CIC: variants seen among roughly 807,000 people sequenced by gnomAD.
The protein encoded by CIC is protein capicua homolog.
CIC carries 18 observed loss-of-function variants against 115.7 expected under a neutral mutation model. The ratio of observed to expected loss-of-function variants is 0.16; its 90% confidence interval spans 0.11 to 0.23. CIC has a LOEUF of 0.23. Among genes scored for constraint, CIC ranks in the 10% least tolerant of loss-of-function variants. The pLI is 1.00. For missense variants in CIC, 2,000 were observed against 2,159.3 expected (o/e 0.93, Z 1.46); for synonymous variants, 1,076 against 923.0 (o/e 1.17, Z -3.01).
In CIC at chr19:42,290,727, A is replaced by T. The variant is rs369326436; in HGVS notation, c.4686A>T (p.Pro1562=). 1.5e-5 allele frequency: 24 copies of T among 1,612,452 alleles called. No individual in the cohort carries two copies. The highest frequency in any genetic ancestry group is 3.3e-5 in the Admixed American group (2 of 59,970). ...CCAGAGTGCCCTCCGCCCCCGCCCC[A>T]TCACTGGCCTATGGGGCCCCAGCAG... ...GGARVPSAPA[P]SLAYGAPAAP... The change falls in exon 11 of 21, where the codon CCA becomes CCT. Residue 1562 remains proline, a synonymous_variant. Coordinates refer to ENST00000681038, the MANE Select transcript of CIC (RefSeq NM_001386298.1).
In CIC at chr19:42,290,216, CCCTT is replaced by C. The variant is rs1225271316; in HGVS notation, c.4192-12_4192-9del. On this transcript the variant is annotated splice_polypyrimidine_tract_variant and intron_variant, in intron 10 of 20. Coordinates refer to ENST00000681038, the MANE Select transcript of CIC (RefSeq NM_001386298.1). ...CGGAGTGTCCTGACCTGGGGTGTCT[CCCTT>C]CCTTTCATGCAGGGCTTTGGTCGGA... 12 of 1,613,928 alleles carry C rather than the reference CCCTT, an allele frequency of 7.4e-6. No individual in the cohort carries two copies. Among genetic ancestry groups the C allele is most frequent in the South Asian group, 4.4e-5 (4 of 91,086 alleles).
chr19:42,292,190 G>C lies in CIC; in HGVS notation c.5718G>C (p.Leu1906=). ...CCACCTCTCAGCCTCAGAAGGTCCT[G>C]TTGCCCTCCTCCACCAGGTAATTGC... ...PGPTSQPQKV[L]LPSSTRITYV... Residue 1906 remains leucine (L), a synonymous_variant, in exon 13 of 21, where the codon CTG becomes CTC. Coordinates refer to ENST00000681038, the MANE Select transcript of CIC (RefSeq NM_001386298.1). 6.2e-7 allele frequency: 1 copy of C among 1,613,956 alleles called. No individual in the cohort carries two copies. The highest frequency in any genetic ancestry group is 8.5e-7 in the Non-Finnish European group (1 of 1,180,020).
At chr19:42,286,674 A>T (rs2037668789) in intron 2 of CIC, 97 bp from the exon 3 acceptor site, 1 of 1,496,372 alleles carries the variant, frequency 6.7e-7, no homozygotes, top group Admixed American at 1.8e-5. Context: ...GGGTAGACAA[A>T]AGGGGTGGGG....
At chr19:42,281,419 C>G (rs1018835993) in intron 2 of CIC, among the ~76,000 whole-genome samples, 1 of 152,198 alleles carries the variant, frequency 6.6e-6, no homozygotes, top group Non-Finnish European at 1.5e-5. Flanking sequence ...CGTCTGGGTT[C>G]CCTGTCCCCA....
chr19:42,295,572 G>A lies in CIC; in HGVS notation c.*381G>A. The A allele has an allele frequency of 3.9e-6, 1 of 256,522 alleles. No homozygotes were observed. The allele number at this position is 256,522 out of a possible 1,614,324, so 15.9% of individuals were successfully genotyped here. A position where few individuals can be genotyped will look rare whatever the true frequency, so the allele number is the denominator to read the frequency against. On this transcript the variant is annotated 3_prime_UTR_variant, in exon 21 of 21. Coordinates refer to ENST00000681038, the MANE Select transcript of CIC (RefSeq NM_001386298.1). ...ATGCACCCCTTTTTTCCCCAGAGGG[G>A]CTGGACTCAGGTTAGTTTGGGGGTG...
chr19:42,293,238 C>T lies in CIC; in HGVS notation c.6479C>T (p.Pro2160Leu), dbSNP rs867764860. 3 of 1,594,776 alleles carry T rather than the reference C, an allele frequency of 1.9e-6. No individual in the cohort carries two copies. The highest frequency in any genetic ancestry group is 1.3e-5 in the African/African-American group (1 of 74,568). Residue 2160 changes from proline (P) to leucine (L), a missense_variant, in exon 16 of 21, where the codon CCA (proline) becomes CTA (leucine). Coordinates refer to ENST00000681038, the MANE Select transcript of CIC (RefSeq NM_001386298.1). ...PTARSSPPLP[P>L]PAEERTSAKG... Reference sequence around the variant, plus strand: ...GCCCGGAGCAGCCCCCCACTGCCCCCACCTGCTGAGGAGCGGACCAGCGCC... The same window carrying T: ...GCCCGGAGCAGCCCCCCACTGCCCCTACCTGCTGAGGAGCGGACCAGCGCC...
rs587778200 is a variant in CIC, at chr19:42,291,157, G to A, written c.5116G>A (p.Gly1706Ser). 70 of 1,607,800 alleles carry A rather than the reference G, an allele frequency of 4.4e-5. No individual in the cohort carries two copies. The South Asian group carries it at 6.7e-4, about 15-fold the overall frequency. Residue 1706 changes from glycine (G) to serine (S), a missense_variant, in exon 11 of 21, where the codon GGT (glycine) becomes AGT (serine). Coordinates refer to ENST00000681038, the MANE Select transcript of CIC (RefSeq NM_001386298.1). The part of the protein sequence containing the change: ...GGGTTAGSGA[G>S]AGSGPNGPVP... ...TGGGACCACTGCGGGCTCAGGAGCA[G>A]GTGCTGGGAGTGGCCCCAATGGGCC...
At chr19:42,293,494 G>A in intron 16 of CIC, 98 bp from the exon 17 acceptor site, 1 of 1,586,612 alleles carries the variant, frequency 6.3e-7, no homozygotes, top group South Asian at 1.1e-5. Flanking sequence ...CTTCTCAAGG[G>A]GTCTGCTGGG....
Position 42,270,365 on chromosome 19 carries a change from G to A in CIC, c.-11+984G>A, listed in dbSNP as rs1383484756. Among the ~76,000 whole-genome samples, 1 of 152,216 alleles carries A rather than the reference G, an allele frequency of 6.6e-6. No homozygotes were observed. On this transcript the variant is annotated intron_variant, in intron 1 of 20. Coordinates refer to ENST00000681038, the MANE Select transcript of CIC (RefSeq NM_001386298.1). The surrounding 1 kb of genome is among the most constrained non-coding windows in gnomAD (Gnocchi z 4.1). ...GAGGTCAAGGGTCCCCCAGTAGCTG[G>A]AAGACTGAGTCGGGGTTGCCTCTCA...
chr19:42,273,690 T>A lies in CIC; in HGVS notation c.1907T>A (p.Leu636His), dbSNP rs1205424824. 2.5e-6 allele frequency: 1 copy of A among 398,368 alleles called. No homozygotes were observed. The highest frequency in any genetic ancestry group is 2.1e-5 in the African/African-American group (1 of 48,476). The allele number at this position is 398,368 out of a possible 1,614,324, so 24.7% of individuals were successfully genotyped here. The change falls in exon 2 of 21, where the codon CTC becomes CAC. Residue 636 changes from leucine to histidine, a missense_variant. Physicochemically the swap from Leu to His is moderately conservative, Grantham distance 99. Around this residue, in one of 8 missense-constraint regions of CIC, gnomAD observed 222 missense variants for 247.7 expected, o/e 0.90. Coordinates refer to ENST00000681038, the MANE Select transcript of CIC (RefSeq NM_001386298.1). The stretch of plus-strand genomic sequence containing the variant: ...GCCCCATCACCCTCACCCTCACCAC[T>A]CTTCGGCTTCCGCCCTGCCAACTTT... ...SPAPSPSPSP[L>H]FGFRPANFSP...
chr19:42,293,486 T>C, intron 16 of CIC, 106 bp from the exon 17 acceptor site: 1 of 1,575,480 alleles, frequency 6.3e-7, no homozygotes, highest in Admixed American at 1.7e-5. Flanking sequence ...GTGACAGCCT[T>C]CTCAAGGGGT....
At position 42,290,738 on chromosome 19, in the gene CIC, A is replaced by C; in HGVS notation, c.4697A>C (p.Tyr1566Ser). The C allele has an allele frequency of 5.0e-6, 8 of 1,612,492 alleles. No homozygotes were observed. The highest frequency in any genetic ancestry group is 2.2e-5 in the East Asian group (1 of 44,840). ...VPSAPAPSLA[Y>S]GAPAAPLSRP... is the part of the protein sequence containing the mutation. ...TCCGCCCCCGCCCCATCACTGGCCT[A>C]TGGGGCCCCAGCAGCTCCCCTGTCC... The change falls in exon 11 of 21, where the codon TAT becomes TCT. Residue 1566 changes from tyrosine to serine, a missense_variant. Transcript: ENST00000681038.
chr19:42,284,846 G>A (rs2037510943), intron 2 of CIC: 1 of 1,253,460 alleles, frequency 8.0e-7, no homozygotes, highest in Non-Finnish European at 1.1e-6. Context: ...CGGTGGTGGG[G>A]GTATAGTAGG....
In CIC at chr19:42,283,493, CAT is replaced by C. The variant is rs202176890; in HGVS notation, c.2795-3275_2795-3274del. On this transcript the variant is annotated intron_variant, in intron 2 of 20. Transcript: ENST00000681038. ...GACAGCGTGGGTGTAAGACAGAGGG[CAT>C]ATGTGCCCGTGGGGTGTGTAGGAGA... Among the ~76,000 whole-genome samples, 449 of 152,144 alleles carry C rather than the reference CAT, an allele frequency of 3.0e-3. 7 individuals carry two copies. The highest frequency in any genetic ancestry group is 0.01 in the African/African-American group (423 of 41,474).
At chr19:42,276,778 A>AC (rs771261379) in intron 2 of CIC, among the ~76,000 whole-genome samples, 1 of 151,692 alleles carries the variant, frequency 6.6e-6, no homozygotes, top group Non-Finnish European at 1.5e-5. Context: ...TATGCCCACA[A>AC]CCCCCAACAT....
chr19:42,289,692 C>G (rs1242302942), intron 9 of CIC, among the ~76,000 whole-genome samples, 156 bp from the exon 10 acceptor site: 2 of 152,186 alleles, frequency 1.3e-5, no homozygotes, highest in African/African-American at 2.4e-5. Flanking sequence ...GCAGTGGGCA[C>G]TGGGCATGTG....
At position 42,289,853 on chromosome 19, in the gene CIC, G is replaced by T; in HGVS notation, c.4093G>T (p.Asp1365Tyr). The T allele has an allele frequency of 6.2e-7, 1 of 1,600,294 alleles. No homozygotes were observed. The highest frequency in any genetic ancestry group is 8.5e-7 in the Non-Finnish European group (1 of 1,173,588). The change falls in exon 10 of 21, where the codon GAT becomes TAT. Residue 1365 changes from aspartate (D) to tyrosine (Y), a missense_variant. Coordinates refer to ENST00000681038, the MANE Select transcript of CIC (RefSeq NM_001386298.1). ...EEGDDDVIAD[D>Y]GFGTTDIDLK... is the part of the protein sequence containing the mutation. ...TGTTCCCTCCACTCCCTCAGCTGACGATGGCTTCGGCACCACTGACATTGA... is the reference window on the plus strand; with the variant it reads ...TGTTCCCTCCACTCCCTCAGCTGACTATGGCTTCGGCACCACTGACATTGA...
intron 7 of CIC, 56 bp from the exon 8 acceptor site, chr19:42,288,832 T>A: frequency 2.0e-6 from 3 of 1,517,104 alleles, no homozygotes; most frequent in Non-Finnish European, 2.7e-6. Flanking sequence ...GTTGGGCCAG[T>A]CTAGGTGCTG....
rs759715954 is a variant in CIC at position 42,292,297 on chromosome 19, C to T, written c.5736-3C>T. 1 of 1,613,322 alleles carries T rather than the reference C, an allele frequency of 6.2e-7. No individual in the cohort carries two copies. The highest frequency in any genetic ancestry group is 1.3e-5 in the African/African-American group (1 of 75,056). ...CTCCTCCCCATTTCCTCTCCTGCGG[C>T]AGAATCACCTATGTGCAGTCAGCGG... is the stretch of plus-strand genomic sequence containing the variant. On this transcript the variant is annotated splice_region_variant and splice_polypyrimidine_tract_variant and intron_variant, in intron 13 of 20. Transcript: ENST00000681038.
Sources: gnomAD v4.1 joint callset for allele counts (sites outside exome capture counted in the v4.1 genomes callset) on GRCh38, gnomAD v4.1.1 for gene constraint, gnomAD v4.1.1 regional missense constraint, Gnocchi (gnomAD v3.1) non-coding constraint, MANE v1.5 for transcripts, NCBI Gene and HGNC (gene_info 2026-07-23, HGNC 2026-07-21) for gene names.